Variants in GALNT18 observed in about 807,000 individuals in gnomAD.
GALNT18 encodes polypeptide N-acetylgalactosaminyltransferase 18.
GALNT18 carries 44 observed loss-of-function variants against 69.5 expected under a neutral mutation model. The observed-to-expected ratio is 0.63, with a 90% CI of 0.50 to 0.81. GALNT18 has a LOEUF of 0.81. GALNT18 is among the 40% of genes least tolerant of loss of function. The pLI, the probability that GALNT18 is intolerant of heterozygous loss-of-function variation, is 0.00. For missense variants in GALNT18, 715 were observed against 810.0 expected, an observed-to-expected ratio of 0.88 and a Z score of 1.42; for synonymous variants, 364 against 318.2, an observed-to-expected ratio of 1.14 and a Z score of -1.53.
rs749251031 is a variant in GALNT18 at position 11,500,127 on chromosome 11, G to A, written c.236-51191C>T. ...ATATTCTCATCCCATTTCCTTCTAC[G>A]AAAAGACTTAATTAGCAACCTCAAA... On this transcript the variant is annotated intron_variant, in intron 1 of 10. Coordinates refer to ENST00000227756, the MANE Select transcript of GALNT18 (RefSeq NM_198516.3). The surrounding 1 kb of genome is among the most constrained non-coding windows in gnomAD (Gnocchi z 5.0). 3.0e-4 allele frequency among the ~76,000 whole-genome samples: 46 copies of A among 152,212 alleles called. No homozygotes were observed. Among genetic ancestry groups the A allele is most frequent in the Middle Eastern group, 3.4e-3 (1 of 294 alleles).
In GALNT18 at chr11:11,338,663, G is replaced by A. The variant is rs1564900407; in HGVS notation, c.1278+2156C>T. ...GCCAAGAGGAGATGTCCAGCTGGCA[G>A]TTGGAGATGTGAGTCTGAAAGTGAA... On this transcript the variant is annotated intron_variant, in intron 7 of 10. Coordinates refer to ENST00000227756, the MANE Select transcript of GALNT18 (RefSeq NM_198516.3). The surrounding 1 kb of genome is among the most constrained non-coding windows in gnomAD (Gnocchi z 5.3). Among the ~76,000 whole-genome samples, 4 of 152,352 alleles carry A rather than the reference G, an allele frequency of 2.6e-5. No individual in the cohort carries two copies. Among genetic ancestry groups the A allele is most frequent in the Admixed American group, 2.6e-4 (4 of 15,304 alleles).
Position 11,540,865 on chromosome 11 carries a change from TTCAGACACTGGGTTG to T in GALNT18, c.235+80479_235+80493del, listed in dbSNP as rs1297868501. Among the ~76,000 whole-genome samples the T allele has an allele frequency of 6.6e-6, 1 of 152,108 alleles. No individual in the cohort carries two copies. The highest frequency in any genetic ancestry group is 1.5e-5 in the Non-Finnish European group (1 of 68,032). ...GTAGATATGGTGGTGGTGCTGTCTA[TTCAGACACTGGGTTG>T]TCAGAAGGAAAATGGGTTAGAAAAT... On this transcript the variant is annotated intron_variant, in intron 1 of 10. Transcript: ENST00000227756. The surrounding 1 kb of genome is among the most constrained non-coding windows in gnomAD (Gnocchi z 4.6).
At chr11:11,392,490 A>G (rs936685552) in intron 3 of GALNT18, among the ~76,000 whole-genome samples, 2 of 152,146 alleles carry the variant, frequency 1.3e-5, no homozygotes, top group African/African-American at 2.4e-5. Context: ...GTGGTAGCGC[A>G]TGCCTGTAAT....
intron 1 of GALNT18, among the ~76,000 whole-genome samples, chr11:11,460,465 G>A (rs1856014298): frequency 6.6e-6 from 1 of 152,184 alleles, no homozygotes; most frequent in Non-Finnish European, 1.5e-5. Flanking sequence ...TACAATCTGG[G>A]CAGGGCTGTC....
At position 11,542,870 on chromosome 11, in the gene GALNT18, C is replaced by T. The variant is rs1857958921; in HGVS notation, c.235+78489G>A. On this transcript the variant is annotated intron_variant, in intron 1 of 10. Transcript: ENST00000227756. The surrounding 1 kb of genome is among the most constrained non-coding windows in gnomAD (Gnocchi z 4.3). ...TTGCTTTGCTTTGCTTTCTGAGACT[C>T]AGCCACAGCCTTTGGGCAAAGTGTT... Among the ~76,000 whole-genome samples the T allele has an allele frequency of 3.9e-5, 6 of 152,342 alleles. No homozygotes were observed. The South Asian group carries it at 1.2e-3, about 32-fold the overall frequency.
At position 11,379,161 on chromosome 11, in the gene GALNT18, G is replaced by A. The variant is rs1853848095; in HGVS notation, c.699C>T (p.Arg233=). The change falls in exon 4 of 11, where the codon CGC becomes CGT. Residue 233 remains arginine, a synonymous_variant. Coordinates refer to ENST00000227756, the MANE Select transcript of GALNT18 (RefSeq NM_198516.3). ...CCGCCCTCCAGCCACTGACCCTGGA[G>A]CGGATGAGGCCTTCCTGCTTGCTGT... ...VRHSKQEGLI[R]SRVSGWRAAT... 3 of 1,612,212 alleles carry A rather than the reference G, an allele frequency of 1.9e-6. No individual in the cohort carries two copies. Among genetic ancestry groups the A allele is most frequent in the Admixed American group, 1.7e-5 (1 of 60,026 alleles).
In GALNT18 at chr11:11,318,356, T is replaced by C. The variant is rs1849790672; in HGVS notation, c.1512+8730A>G. Among the ~76,000 whole-genome samples, 1 of 152,148 alleles carries C rather than the reference T, an allele frequency of 6.6e-6. No individual in the cohort carries two copies. The highest frequency in any genetic ancestry group is 1.9e-4 in the East Asian group (1 of 5,194). On this transcript the variant is annotated intron_variant, in intron 9 of 10. Transcript: ENST00000227756. This position sits in a 1 kb window ranked among gnomAD's most constrained non-coding sequence, Gnocchi z 5.1. ...ACACAGAAGTAGAATGGACCCTTAA[T>C]CCAACATGAGTAGTGTCCTTATAAA...
At chr11:11,597,700 A>G (rs1157799780) in intron 1 of GALNT18, among the ~76,000 whole-genome samples, 1 of 147,936 alleles carries the variant, frequency 6.8e-6, no homozygotes, top group African/African-American at 2.5e-5. Flanking sequence ...TCACTCTGTC[A>G]TCCAGGCTAG....
chr11:11,505,997 T>C lies in GALNT18; in HGVS notation c.236-57061A>G, dbSNP rs781593848. ...AGCTCAGCTTTCAGGGACAAAATTATGTATTATTGAGGTTTCCTGCAGTCA... is the reference window on the plus strand; with the variant it reads ...AGCTCAGCTTTCAGGGACAAAATTACGTATTATTGAGGTTTCCTGCAGTCA... On this transcript the variant is annotated intron_variant, in intron 1 of 10. Transcript: ENST00000227756. This position sits in a 1 kb window ranked among gnomAD's most constrained non-coding sequence, Gnocchi z 4.6. Among the ~76,000 whole-genome samples, 6 of 152,204 alleles carry C rather than the reference T, an allele frequency of 3.9e-5. No individual in the cohort carries two copies. Among genetic ancestry groups the C allele is most frequent in the East Asian group, 3.9e-4 (2 of 5,190 alleles).
At chr11:11,273,178 C>T (rs777564102) in intron 10 of GALNT18, among the ~76,000 whole-genome samples, 10 of 151,378 alleles carry the variant, frequency 6.6e-5, no homozygotes, top group Non-Finnish European at 1.5e-4. Context: ...AAAGCACAGG[C>T]AACCAAAGCA....
In GALNT18 at chr11:11,356,631, G is replaced by C. The variant is rs945549499; in HGVS notation, c.1093-15627C>G. 1.3e-5 allele frequency among the ~76,000 whole-genome samples: 2 copies of C among 152,082 alleles called. No individual in the cohort carries two copies. The highest frequency in any genetic ancestry group is 2.9e-5 in the Non-Finnish European group (2 of 68,020). On this transcript the variant is annotated intron_variant, in intron 6 of 10. Transcript: ENST00000227756. The surrounding 1 kb of genome is among the most constrained non-coding windows in gnomAD (Gnocchi z 4.4). ...TTTCCCCTTCATCCAAACTTTTTAAGAAGGTAAAAATTTCCTTCAGGTTGA... is the reference window on the plus strand; with the variant it reads ...TTTCCCCTTCATCCAAACTTTTTAACAAGGTAAAAATTTCCTTCAGGTTGA...
intron 1 of GALNT18, among the ~76,000 whole-genome samples, chr11:11,449,417 T>G (rs1855741128): frequency 6.6e-6 from 1 of 152,236 alleles, no homozygotes; most frequent in Admixed American, 6.5e-5. Flanking sequence ...CTTCACTGTC[T>G]GGTCCTCCAG....
chr11:11,505,433 T>C lies in GALNT18; in HGVS notation c.236-56497A>G, dbSNP rs1206077139. 1.3e-5 allele frequency among the ~76,000 whole-genome samples: 2 copies of C among 152,098 alleles called. No individual in the cohort carries two copies. Among genetic ancestry groups the C allele is most frequent in the African/African-American group, 2.4e-5 (1 of 41,410 alleles). ...CACTGACTCCTATGCCCACAGCAGA[T>C]CCAAGTAATCAATCACAGCACTCTC... On this transcript the variant is annotated intron_variant, in intron 1 of 10. Coordinates refer to ENST00000227756, the MANE Select transcript of GALNT18 (RefSeq NM_198516.3). This position sits in a 1 kb window ranked among gnomAD's most constrained non-coding sequence, Gnocchi z 4.6.
chr11:11,491,126 G>A (rs575049787), intron 1 of GALNT18, among the ~76,000 whole-genome samples: 42 of 152,282 alleles, frequency 2.8e-4, no homozygotes, highest in African/African-American at 9.9e-4. Flanking sequence ...TGGGGTCGTT[G>A]TCACTAGGGA....
intron 1 of GALNT18, among the ~76,000 whole-genome samples, chr11:11,527,833 T>G (rs1432749525): frequency 1.3e-5 from 2 of 152,280 alleles, no homozygotes; most frequent in East Asian, 3.9e-4. Context: ...CTGTGAATAG[T>G]AAGAGACTGT....
At position 11,591,066 on chromosome 11, in the gene GALNT18, T is replaced by TGACA. The variant is rs2133927678; in HGVS notation, c.235+30289_235+30292dup. 1.3e-5 allele frequency among the ~76,000 whole-genome samples: 2 copies of TGACA among 152,266 alleles called. No individual in the cohort carries two copies. Among genetic ancestry groups the TGACA allele is most frequent in the East Asian group, 3.9e-4 (2 of 5,172 alleles). On this transcript the variant is annotated intron_variant, in intron 1 of 10. Coordinates refer to ENST00000227756, the MANE Select transcript of GALNT18 (RefSeq NM_198516.3). This position sits in a 1 kb window ranked among gnomAD's most constrained non-coding sequence, Gnocchi z 4.8. ...AAGAAGGCATTATCATCATAGCAGA[T>TGACA]GACAGCTCTATGCATGTTATTGCCC...
intron 10 of GALNT18, among the ~76,000 whole-genome samples, chr11:11,280,120 G>A (rs928342412): frequency 1.3e-5 from 2 of 152,124 alleles, no homozygotes; most frequent in African/African-American, 4.8e-5. Context: ...GATTCCTCCT[G>A]CTGTGCCCCA....
chr11:11,464,067 C>T (rs573684719), intron 1 of GALNT18, among the ~76,000 whole-genome samples: 10 of 152,250 alleles, frequency 6.6e-5, no homozygotes, highest in African/African-American at 2.2e-4. Context: ...ACTGCACGTC[C>T]AAGATGTAGT....
chr11:11,312,836 T>G (rs970213722), intron 9 of GALNT18, among the ~76,000 whole-genome samples: 1 of 152,114 alleles, frequency 6.6e-6, no homozygotes, highest in African/African-American at 2.4e-5. Flanking sequence ...GAAACAGAGG[T>G]GCATTGAGTG....
Sources: gnomAD v4.1 joint callset for allele counts (sites outside exome capture counted in the v4.1 genomes callset) on GRCh38, gnomAD v4.1.1 for gene constraint, Gnocchi (gnomAD v3.1) non-coding constraint, MANE v1.5 for transcripts, NCBI Gene and HGNC (gene_info 2026-07-23, HGNC 2026-07-21) for gene names.